NUP210: variants seen among roughly 807,000 people sequenced by gnomAD.
The protein encoded by NUP210 is nuclear pore membrane glycoprotein 210.
In NUP210, 151 loss-of-function variants were observed where a neutral mutation model predicts 196.0. That is an observed-to-expected ratio of 0.77 (90% CI 0.67 to 0.88). The LOEUF is 0.88. NUP210 is among the 40% of genes least tolerant of loss of function. The probability of loss-of-function intolerance (pLI) is 0.00; values close to 1 mark genes in which losing one functional copy is unlikely to be tolerated. For missense variants in NUP210, 2,314 were observed against 2,493.7 expected, an observed-to-expected ratio of 0.93 and a Z score of 1.53; for synonymous variants, 1,070 against 1,052.7, an observed-to-expected ratio of 1.02 and a Z score of -0.32.
intron 2 of NUP210, among the ~76,000 whole-genome samples, chr3:13,397,853 T>C (rs991819305): frequency 6.6e-6 from 1 of 152,228 alleles, no homozygotes; most frequent in African/African-American, 2.4e-5. Flanking sequence ...GTCCCTTCAC[T>C]GAGATTAGGG....
In NUP210 at chr3:13,328,922, C is replaced by A; in HGVS notation, c.4135G>T (p.Val1379Phe). Reference sequence around the variant, plus strand: ...GTGTGCAGGACAGGGCTCATGGAAACCCTCAGGTAGGAAACAGGGGATACC... The same window carrying A: ...GTGTGCAGGACAGGGCTCATGGAAAACCTCAGGTAGGAAACAGGGGATACC... The part of the protein sequence containing the change: ...VKVSPVSYLR[V>F]SMSPVLHTQN... Residue 1379 changes from valine (V) to phenylalanine (F), a missense_variant, in exon 31 of 40, where the codon GTT becomes TTT. By Grantham distance (50) the Val-to-Phe change is conservative. Transcript: ENST00000254508. 1 of 1,614,000 alleles carries A rather than the reference C, an allele frequency of 6.2e-7. No individual in the cohort carries two copies. The highest frequency in any genetic ancestry group is 8.5e-7 in the Non-Finnish European group (1 of 1,179,954).
chr3:13,404,706 G>A (rs900903626), intron 1 of NUP210, among the ~76,000 whole-genome samples: 1 of 152,216 alleles, frequency 6.6e-6, no homozygotes, highest in Non-Finnish European at 1.5e-5. Context: ...TCCCTCCGAA[G>A]GGCTGTCTCT....
In NUP210 at chr3:13,379,781, A is replaced by C. The variant is rs1559337510; in HGVS notation, c.818-60T>G. ...AGAGAGCAAAGACAGGAAATGTTAG[A>C]AGCCAATACACTCCCACTGCCACCC... On this transcript the variant is annotated intron_variant, in intron 6 of 39. Coordinates refer to ENST00000254508, the MANE Select transcript of NUP210 (RefSeq NM_024923.4). The surrounding 1 kb of genome is among the most constrained non-coding windows in gnomAD (Gnocchi z 4.2). The C allele has an allele frequency of 2.8e-6, 4 of 1,437,162 alleles. No individual in the cohort carries two copies. The East Asian group carries it at 9.4e-5, about 34-fold the overall frequency. 89.0% of individuals were successfully genotyped at this position (1,437,162 alleles called of 1,614,324 possible). A position where few individuals can be genotyped will look rare whatever the true frequency, so the allele number is the denominator to read the frequency against.
Position 13,323,188 on chromosome 3 carries a change from CCT to C in NUP210, c.4768+119_4768+120del. 1 of 1,262,560 alleles carries C rather than the reference CCT, an allele frequency of 7.9e-7. No homozygotes were observed. 78.2% of individuals were successfully genotyped at this position (1,262,560 alleles called of 1,614,324 possible). On this transcript the variant is annotated intron_variant, in intron 34 of 39. Transcript: ENST00000254508. The surrounding 1 kb of genome is among the most constrained non-coding windows in gnomAD (Gnocchi z 4.3). ...GAGTGGATGAGTGGGGGCTAAATGCCCTCTCTGGAGTTGGTGTGAGTGTGAAT... is the reference window on the plus strand; with the variant it reads ...GAGTGGATGAGTGGGGGCTAAATGCCCTCTGGAGTTGGTGTGAGTGTGAAT...
At chr3:13,417,422 G>A (rs533929461) in intron 1 of NUP210, among the ~76,000 whole-genome samples, 3 of 152,350 alleles carry the variant, frequency 2.0e-5, no homozygotes, top group African/African-American at 7.2e-5. Context: ...TTCAATGGAT[G>A]TGCAAATGTT....
At chr3:13,322,056 A>G (rs1696553393) in intron 35 of NUP210, 137 bp downstream of exon 35, 3 of 1,226,910 alleles carry the variant, frequency 2.4e-6, no homozygotes, top group African/African-American at 1.5e-5. Context: ...CCTGGCGTCA[A>G]TCCCCAGGCT....
chr3:13,366,168 GC>G, intron 13 of NUP210, 77 bp from the exon 14 acceptor site: 1 of 1,434,068 alleles, frequency 7.0e-7, no homozygotes, highest in Non-Finnish European at 9.5e-7. Flanking sequence ...TCGCTGTGTT[GC>G]CCAGGCTGGA....
chr3:13,417,782 G>A (rs1387521044), intron 1 of NUP210, among the ~76,000 whole-genome samples: 2 of 152,096 alleles, frequency 1.3e-5, no homozygotes, highest in African/African-American at 4.8e-5. Flanking sequence ...ACAGATCAAC[G>A]CCAAACACGT....
In NUP210 at chr3:13,347,266, T is replaced by C. The variant is rs772790044; in HGVS notation, c.2836-3963A>G. The C allele has an allele frequency of 1.1e-5, 11 of 985,274 alleles. No homozygotes were observed. Among genetic ancestry groups the C allele is most frequent in the Non-Finnish European group, 1.3e-5 (11 of 829,814 alleles). 61.0% of individuals were successfully genotyped at this position (985,274 alleles called of 1,614,324 possible). A position where few individuals can be genotyped will look rare whatever the true frequency, so the allele number is the denominator to read the frequency against. On this transcript the variant is annotated intron_variant, in intron 20 of 39. Coordinates refer to ENST00000254508, the MANE Select transcript of NUP210 (RefSeq NM_024923.4). This position sits in a 1 kb window ranked among gnomAD's most constrained non-coding sequence, Gnocchi z 4.7. ...GCTTAACACAGCACCTGGCACACGA[T>C]AAGCACTCCAGCGTCTCTGAGTGCA... is the stretch of plus-strand genomic sequence containing the variant.
chr3:13,333,663 G>A (rs1242529612), intron 28 of NUP210, among the ~76,000 whole-genome samples: 1 of 152,204 alleles, frequency 6.6e-6, no homozygotes, highest in Non-Finnish European at 1.5e-5. Context: ...GGAGCTGGGT[G>A]GGGTTTTGGC....
At chr3:13,365,014 C>T (rs558107989) in intron 14 of NUP210, among the ~76,000 whole-genome samples, 1 of 152,210 alleles carries the variant, frequency 6.6e-6, no homozygotes, top group South Asian at 2.1e-4. Flanking sequence ...TCTGGGGCTC[C>T]CCTAGGACTG....
In NUP210 at chr3:13,376,359, G is replaced by T. The variant is rs755733518; in HGVS notation, c.1225C>A (p.His409Asn). Reference protein sequence around the residue: ...VLSSSQNGSYHRIRALKRGQT... With the variant: ...VLSSSQNGSYNRIRALKRGQT... ...CCCCTCTTTAGTGCCCTGATGCGAT[G>T]GTATGACCCATTCTGGGAGGACGAG... Residue 409 changes from histidine (H) to asparagine (N), a missense_variant, in exon 10 of 40, where the codon CAT becomes AAT. By Grantham distance (68) the His-to-Asn change is moderately conservative. Transcript: ENST00000254508. 9.3e-6 allele frequency: 15 copies of T among 1,614,058 alleles called. No individual in the cohort carries two copies. The highest frequency in any genetic ancestry group is 2.2e-5 in the South Asian group (2 of 91,092).
intron 13 of NUP210, among the ~76,000 whole-genome samples, chr3:13,369,198 T>A (rs1698642681): frequency 6.6e-6 from 1 of 152,234 alleles, no homozygotes; most frequent in Admixed American, 6.5e-5. Flanking sequence ...TTGAGCATCT[T>A]CCCGTGTGCT....
chr3:13,342,212 A>G, intron 21 of NUP210, 89 bp from the exon 22 acceptor site: 1 of 1,501,398 alleles, frequency 6.7e-7, no homozygotes, highest in Non-Finnish European at 9.1e-7. Context: ...AGATAGCATC[A>G]CTAACCTCAA....
rs776096658 is a variant in NUP210 at position 13,322,201 on chromosome 3, G to A, written c.4907C>T (p.Thr1636Ile). The A allele has an allele frequency of 9.9e-6, 16 of 1,614,130 alleles. No individual in the cohort carries two copies. The South Asian group carries it at 1.6e-4, about 17-fold the overall frequency. The stretch of plus-strand genomic sequence containing the variant: ...CAAATCCTCGCAATTACCGAGAGCA[G>A]TGTCAAACTGTGGCTCCACGGTGAA... Reference protein sequence around the residue: ...DVFTVEPQFDTALGQYFCSIT... With the variant: ...DVFTVEPQFDIALGQYFCSIT... Residue 1636 changes from threonine to isoleucine, a missense_variant, in exon 35 of 40, where the codon ACT becomes ATT. Coordinates refer to ENST00000254508, the MANE Select transcript of NUP210 (RefSeq NM_024923.4).
chr3:13,339,685 C>T (rs1401747458), intron 25 of NUP210, among the ~76,000 whole-genome samples, 169 bp downstream of exon 25: 1 of 152,230 alleles, frequency 6.6e-6, no homozygotes, highest in Non-Finnish European at 1.5e-5. Context: ...TCTGGGTGCT[C>T]CCATATTGGC....
rs1371808199 is a variant in NUP210 at position 13,319,817 on chromosome 3, T to C, written c.5329A>G (p.Ile1777Val). The C allele has an allele frequency of 1.9e-6, 3 of 1,614,162 alleles. No individual in the cohort carries two copies. Among genetic ancestry groups the C allele is most frequent in the Admixed American group, 1.7e-5 (1 of 60,038 alleles). The change falls in exon 37 of 40, where the codon ATT becomes GTT. Residue 1777 changes from isoleucine (I) to valine (V), a missense_variant. Physicochemically the swap from Ile to Val is conservative, Grantham distance 29 (BLOSUM62 3). Coordinates refer to ENST00000254508, the MANE Select transcript of NUP210 (RefSeq NM_024923.4). ...TFSSPVTNQA[I>V]AIPVTVAFVV... is the part of the protein sequence containing the mutation. ...AAAGCCACTGTCACTGGGATGGCAA[T>C]GGCTTGGTTGGTCACGGGGCTGGAG...
intron 13 of NUP210, among the ~76,000 whole-genome samples, chr3:13,369,021 A>G (rs1698637466): frequency 1.3e-5 from 2 of 152,200 alleles, no homozygotes; most frequent in African/African-American, 4.8e-5. Flanking sequence ...ACTGCTTTCC[A>G]CAGCAGCAGC....
chr3:13,371,800 A>C, intron 13 of NUP210, 34 bp downstream of exon 13: 1 of 1,563,632 alleles, frequency 6.4e-7, no homozygotes, highest in Middle Eastern at 1.7e-4. Flanking sequence ...CCCCAATCCC[A>C]GTATCTGGCA....
Sources: gnomAD v4.1 joint callset for allele counts (sites outside exome capture counted in the v4.1 genomes callset) on GRCh38, gnomAD v4.1.1 for gene constraint, Gnocchi (gnomAD v3.1) non-coding constraint, MANE v1.5 for transcripts, NCBI Gene and HGNC (gene_info 2026-07-23, HGNC 2026-07-21) for gene names.